Variants in FGD4 observed in about 807,000 individuals in gnomAD.
FGD4 encodes FYVE, RhoGEF and PH domain-containing protein 4.
FGD4 carries 42 observed loss-of-function variants against 102.0 expected under a neutral mutation model. The ratio of observed to expected loss-of-function variants is 0.41; its 90% confidence interval spans 0.32 to 0.53. The LOEUF (loss-of-function observed/expected upper bound fraction) is 0.53. Ranked by LOEUF, FGD4 falls within the 20% of genes least tolerant of loss-of-function variation. FGD4 has a pLI of 0.21. For missense variants in FGD4, 902 were observed against 1,078.2 expected (o/e 0.84, Z 2.29); for synonymous variants, 380 against 375.7 (o/e 1.01, Z -0.13).
Position 32,602,313 on chromosome 12 carries a change from T to A in FGD4, c.1400T>A (p.Ile467Asn). The A allele has an allele frequency of 6.2e-7, 1 of 1,614,026 alleles. No individual in the cohort carries two copies. Among genetic ancestry groups the A allele is most frequent in the Non-Finnish European group, 8.5e-7 (1 of 1,179,980 alleles). ...CAGTTCAAATCAGTGGTTGAAGAAATTCAGGTAATAGGACTGTTTTGTTCA... is the reference window on the plus strand; with the variant it reads ...CAGTTCAAATCAGTGGTTGAAGAAAATCAGGTAATAGGACTGTTTTGTTCA... The part of the protein sequence containing the change: ...IPQFKSVVEE[I>N]QKQKICGSLT... The change falls in exon 7 of 17, where the codon ATT becomes AAT. Residue 467 changes from isoleucine to asparagine, a missense_variant. Ile to Asn is a moderately radical substitution (Grantham distance 149, BLOSUM62 -3). This residue lies in a region of FGD4 where 459 missense variants were observed against 619.0 expected (regional missense o/e 0.74). Coordinates refer to ENST00000534526, the MANE Select transcript of FGD4 (RefSeq NM_001370298.3).
chr12:32,454,670 G>A (rs187782624), intron 1 of FGD4, among the ~76,000 whole-genome samples: 4 of 152,194 alleles, frequency 2.6e-5, no homozygotes, highest in Admixed American at 2.6e-4. Flanking sequence ...ATTCCTGTTT[G>A]TCTTTGATTG....
At chr12:32,567,467 G>A (rs1424813736) in intron 2 of FGD4, among the ~76,000 whole-genome samples, 1 of 152,036 alleles carries the variant, frequency 6.6e-6, no homozygotes, top group Non-Finnish European at 1.5e-5. Context: ...GCTTGACACT[G>A]CTTGTGGGAG....
chr12:32,629,823 T>TA (rs1950394722), intron 14 of FGD4, among the ~76,000 whole-genome samples: 1 of 152,230 alleles, frequency 6.6e-6, no homozygotes, highest in Admixed American at 6.5e-5. Flanking sequence ...AAACATTTCT[T>TA]ATGTAATTTT....
chr12:32,431,141 A>T (rs1290300400), intron 1 of FGD4, among the ~76,000 whole-genome samples: 1 of 152,236 alleles, frequency 6.6e-6, no homozygotes, highest in East Asian at 1.9e-4. Flanking sequence ...GAAAATTAAA[A>T]ATCATATAAC....
In FGD4 at chr12:32,640,581, C is replaced by T. The variant is rs370393543; in HGVS notation, c.*48C>T. 260 of 1,612,016 alleles carry T rather than the reference C, an allele frequency of 1.6e-4. 2 individuals are homozygous for T. Among genetic ancestry groups the T allele is most frequent in the Admixed American group, 9.7e-4 (58 of 59,994 alleles). On this transcript the variant is annotated 3_prime_UTR_variant, in exon 17 of 17. Coordinates refer to ENST00000534526, the MANE Select transcript of FGD4 (RefSeq NM_001370298.3). ...TGTGGAGGTCTCAGGACTTACAGCT[C>T]AAGACATTCCCAGCTCTTCTTACAC... is the stretch of plus-strand genomic sequence containing the variant.
chr12:32,582,761 A>G, intron 4 of FGD4: 1 of 406,228 alleles, frequency 2.5e-6, no homozygotes, highest in East Asian at 5.0e-5. Context: ...ACATAGAAAG[A>G]AAATGTTCCT....
Position 32,541,783 on chromosome 12 carries a change from A to G in FGD4, c.167-22354A>G, listed in dbSNP as rs558268154. ...TTACATGTTTTTCTTAAAATTACCA[A>G]CCATCAAAAAGAAGAATTTTGATCT... On this transcript the variant is annotated intron_variant, in intron 1 of 16. Coordinates refer to ENST00000534526, the MANE Select transcript of FGD4 (RefSeq NM_001370298.3). 2.0e-5 allele frequency among the ~76,000 whole-genome samples: 3 copies of G among 152,344 alleles called. No individual in the cohort carries two copies. In the East Asian group the frequency reaches 5.8e-4, roughly 29 times the overall value.
chr12:32,446,681 G>A (rs150956570), intron 1 of FGD4, among the ~76,000 whole-genome samples: 178 of 152,292 alleles, frequency 1.2e-3, no homozygotes, highest in Non-Finnish European at 1.7e-3. Flanking sequence ...AAGTGCCAGC[G>A]TGCCATATTT....
chr12:32,401,546 C>A (rs923414708), intron 1 of FGD4, among the ~76,000 whole-genome samples: 1 of 152,074 alleles, frequency 6.6e-6, no homozygotes, highest in Non-Finnish European at 1.5e-5. Flanking sequence ...CAGATGTGAG[C>A]CACCACATCC....
At chr12:32,485,436 A>ATTTTTTTT (rs372655892) in intron 1 of FGD4, among the ~76,000 whole-genome samples, 3 of 114,216 alleles carry the variant, frequency 2.6e-5, no homozygotes, top group African/African-American at 6.5e-5. Flanking sequence ...TTTAAGACCA[A>ATTTTTTTT]TTTTTTTTTT....
chr12:32,607,193 C>T (rs994910542), intron 7 of FGD4, among the ~76,000 whole-genome samples: 1 of 152,192 alleles, frequency 6.6e-6, no homozygotes, highest in African/African-American at 2.4e-5. Flanking sequence ...TAAAATTCTG[C>T]TTGATTTTTT....
intron 1 of FGD4, among the ~76,000 whole-genome samples, chr12:32,407,608 C>T (rs1040948228): frequency 1.3e-5 from 2 of 152,184 alleles, no homozygotes; most frequent in African/African-American, 4.8e-5. Flanking sequence ...GGGCCCTCTG[C>T]ACTTTCTGGC....
intron 1 of FGD4, among the ~76,000 whole-genome samples, chr12:32,469,834 T>C (rs1943369638): frequency 6.6e-6 from 1 of 151,778 alleles, no homozygotes; most frequent in African/African-American, 2.4e-5. Flanking sequence ...TAATTTTGTA[T>C]TTTTAGTAGA....
Position 32,515,494 on chromosome 12 carries a change from C to T in FGD4, c.167-48643C>T, listed in dbSNP as rs1030361144. 2.0e-5 allele frequency among the ~76,000 whole-genome samples: 3 copies of T among 152,208 alleles called. 1 individual carries two copies. The highest frequency in any genetic ancestry group is 4.4e-5 in the Non-Finnish European group (3 of 68,026). Reference sequence around the variant, plus strand: ...GACTTCCTAAGGTGTTTGAGAATCACTAAGGAATTTGAAATGTATCATAGA... The same window carrying T: ...GACTTCCTAAGGTGTTTGAGAATCATTAAGGAATTTGAAATGTATCATAGA... On this transcript the variant is annotated intron_variant, in intron 1 of 16. Coordinates refer to ENST00000534526, the MANE Select transcript of FGD4 (RefSeq NM_001370298.3).
chr12:32,526,201 C>T (rs1023151843), intron 1 of FGD4, among the ~76,000 whole-genome samples: 1 of 152,220 alleles, frequency 6.6e-6, no homozygotes, highest in African/African-American at 2.4e-5. Flanking sequence ...CCAATCAGCA[C>T]CCTGTGTTTA....
At chr12:32,478,269 G>A (rs1734291135) in intron 1 of FGD4, among the ~76,000 whole-genome samples, 2 of 152,130 alleles carry the variant, frequency 1.3e-5, no homozygotes, top group Non-Finnish European at 2.9e-5. Context: ...CAATGTGATT[G>A]TGTTTTTTAA....
intron 1 of FGD4, among the ~76,000 whole-genome samples, chr12:32,550,183 T>C (rs1943537507): frequency 6.6e-6 from 1 of 152,184 alleles, no homozygotes; most frequent in South Asian, 2.1e-4. Context: ...CTGGCACTTT[T>C]AATTAAGGAG....
chr12:32,569,550 G>A (rs899283027), intron 2 of FGD4, among the ~76,000 whole-genome samples: 1 of 152,080 alleles, frequency 6.6e-6, no homozygotes, highest in Non-Finnish European at 1.5e-5. Context: ...GCTTTTCACG[G>A]AGGCCTGACT....
At chr12:32,589,560 G>A (rs1288309617) in intron 4 of FGD4, among the ~76,000 whole-genome samples, 1 of 152,092 alleles carries the variant, frequency 6.6e-6, no homozygotes, top group Non-Finnish European at 1.5e-5. Context: ...GTTTTTCTTG[G>A]TGCCTGTTCT....
Sources: gnomAD v4.1 joint callset for allele counts (sites outside exome capture counted in the v4.1 genomes callset) on GRCh38, gnomAD v4.1.1 for gene constraint, gnomAD v4.1.1 regional missense constraint, MANE v1.5 for transcripts, NCBI Gene and HGNC (gene_info 2026-07-23, HGNC 2026-07-21) for gene names.